Variants in GOLPH3 observed in about 807,000 individuals in gnomAD.
The protein encoded by GOLPH3 is coat protein GPP34.
In GOLPH3, 14 loss-of-function variants were observed where a neutral mutation model predicts 28.5. The observed-to-expected ratio is 0.49, with a 90% confidence interval of 0.32 to 0.77. GOLPH3 has a LOEUF of 0.77. GOLPH3 is among the 30% of genes least tolerant of loss of function. GOLPH3 has a pLI of 0.03. For missense variants in GOLPH3, 350 were observed against 393.7 expected (o/e 0.89, Z 0.94); for synonymous variants, 158 against 159.2 (o/e 0.99, Z 0.06).
chr5:32,162,737 C>A (rs1248862148), intron 1 of GOLPH3, among the ~76,000 whole-genome samples: 1 of 152,202 alleles, frequency 6.6e-6, no homozygotes, highest in Non-Finnish European at 1.5e-5. Flanking sequence ...CTCACATATG[C>A]CAACACATTG....
chr5:32,129,126 G>A (rs1230347026), intron 3 of GOLPH3, among the ~76,000 whole-genome samples: 5 of 152,150 alleles, frequency 3.3e-5, no homozygotes, highest in South Asian at 4.1e-4. Flanking sequence ...AGGTTGCAGT[G>A]AGCCGAGATT....
At chr5:32,164,201 C>G (rs1746654901) in intron 1 of GOLPH3, among the ~76,000 whole-genome samples, 1 of 152,210 alleles carries the variant, frequency 6.6e-6, no homozygotes, top group Admixed American at 6.5e-5. Context: ...TAAACCTCAA[C>G]TAAGCACAAG....
At chr5:32,156,786 G>A (rs1213717243) in intron 1 of GOLPH3, among the ~76,000 whole-genome samples, 2 of 152,154 alleles carry the variant, frequency 1.3e-5, no homozygotes, top group Non-Finnish European at 2.9e-5. Flanking sequence ...GACAGGAGGC[G>A]GAGCTCAGGC....
At chr5:32,128,266 A>G (rs1745728104) in intron 3 of GOLPH3, among the ~76,000 whole-genome samples, 1 of 152,212 alleles carries the variant, frequency 6.6e-6, no homozygotes. Context: ...AGCCTCACTA[A>G]AAACCAGGAC....
chr5:32,174,231 C>T lies in GOLPH3; in HGVS notation c.-197G>A, dbSNP rs1310392984. 1 of 374,690 alleles carries T rather than the reference C, an allele frequency of 2.7e-6. No homozygotes were observed. Among genetic ancestry groups the T allele is most frequent in the Non-Finnish European group, 4.7e-6 (1 of 212,150 alleles). The allele number at this position is 374,690 out of a possible 1,614,324, so 23.2% of individuals were successfully genotyped here. A position where few individuals can be genotyped will look rare whatever the true frequency, so the allele number is the denominator to read the frequency against. ...GCGGGCTGGCCGGGCGTCGGCGGGG[C>T]AGGAGAGGAGCGCCTTCCTGCCTGT... On this transcript the variant is annotated 5_prime_UTR_variant, in exon 1 of 4. Transcript: ENST00000265070.
intron 1 of GOLPH3, among the ~76,000 whole-genome samples, chr5:32,167,360 CAG>C (rs569720023): frequency 3.6e-4 from 54 of 152,032 alleles, no homozygotes; most frequent in Non-Finnish European, 6.9e-4. Context: ...TTAATAGAGA[CAG>C]GGGTTCACCA....
Position 32,126,563 on chromosome 5 carries a change from C to T in GOLPH3, c.546G>A (p.Val182=). ...TCTCTGTTGTCAATACACCCTTTTC[C>T]ACCAGGTTTTTAGCTAATCGTTCCC... ...NVRERLAKNL[V]EKGVLTTEKQ... Residue 182 remains valine, a synonymous_variant, in exon 4 of 4, where the codon GTG becomes GTA. Transcript: ENST00000265070. 1 of 1,614,094 alleles carries T rather than the reference C, an allele frequency of 6.2e-7. No homozygotes were observed. The highest frequency in any genetic ancestry group is 8.5e-7 in the Non-Finnish European group (1 of 1,180,002).
At chr5:32,156,547 T>C (rs1343169201) in intron 1 of GOLPH3, among the ~76,000 whole-genome samples, 6 of 151,944 alleles carry the variant, frequency 3.9e-5, no homozygotes, top group Non-Finnish European at 2.9e-5. Context: ...CTGTCTATTG[T>C]GGTAGTCCCA....
rs765981032 is a variant in GOLPH3, at chr5:32,126,445, G to T, written c.664C>A (p.Leu222Ile). Residue 222 changes from leucine (L) to isoleucine (I), a missense_variant, in exon 4 of 4, where the codon CTT becomes ATT. Physicochemically the swap from Leu to Ile is conservative, Grantham distance 5. Coordinates refer to ENST00000265070, the MANE Select transcript of GOLPH3 (RefSeq NM_022130.4). ...RLIKKVQEAV[L>I]DKWVNDPHRM... Reference sequence around the variant, plus strand: ...TGAGGGTCATTCACCCATTTGTCAAGAACGGCTTCCTGTACTTTCTTGATG... The same window carrying T: ...TGAGGGTCATTCACCCATTTGTCAATAACGGCTTCCTGTACTTTCTTGATG... 1.9e-6 allele frequency: 3 copies of T among 1,614,202 alleles called. No homozygotes were observed. In the South Asian group the frequency reaches 3.3e-5, roughly 18 times the overall value.
At position 32,162,911 on chromosome 5, in the gene GOLPH3, T is replaced by C. The variant is rs183737944; in HGVS notation, c.225+10899A>G. 4.1e-3 allele frequency among the ~76,000 whole-genome samples: 623 copies of C among 152,140 alleles called. 6 individuals carry two copies. The highest frequency in any genetic ancestry group is 0.014 in the African/African-American group (587 of 41,520). On this transcript the variant is annotated intron_variant, in intron 1 of 3. Coordinates refer to ENST00000265070, the MANE Select transcript of GOLPH3 (RefSeq NM_022130.4). The stretch of plus-strand genomic sequence containing the variant: ...GGCTAACACAGTGAAACCCCGTCTC[T>C]ACCAAAAATACAAAAAATTAGCCGG...
At chr5:32,147,868 T>G (rs559292112) in intron 1 of GOLPH3, among the ~76,000 whole-genome samples, 46 of 152,312 alleles carry the variant, frequency 3.0e-4, no homozygotes, top group African/African-American at 1.1e-3. Flanking sequence ...ACCTGGCGAT[T>G]CAAATCAACT....
At chr5:32,135,713 G>A in intron 2 of GOLPH3, 27 bp from the exon 3 acceptor site, 1 of 1,398,962 alleles carries the variant, frequency 7.1e-7, no homozygotes, top group Non-Finnish European at 1.0e-6. Flanking sequence ...AAGAATGAAA[G>A]GATCCACGAA....
intron 2 of GOLPH3, among the ~76,000 whole-genome samples, chr5:32,139,243 C>T (rs1025102754): frequency 6.6e-6 from 1 of 152,122 alleles, no homozygotes; most frequent in Admixed American, 6.5e-5. Context: ...ATTGTTTATA[C>T]AGCATTTACA....
At chr5:32,170,571 T>C (rs921806695) in intron 1 of GOLPH3, among the ~76,000 whole-genome samples, 2 of 152,144 alleles carry the variant, frequency 1.3e-5, no homozygotes, top group Non-Finnish European at 2.9e-5. Flanking sequence ...AAAAGAGTAC[T>C]ATAGGTTAAA....
In GOLPH3 at chr5:32,126,425, G is replaced by T. The variant is rs200860671; in HGVS notation, c.684C>A (p.Asp228Glu). 6 of 1,614,196 alleles carry T rather than the reference G, an allele frequency of 3.7e-6. No individual in the cohort carries two copies. Among genetic ancestry groups the T allele is most frequent in the Middle Eastern group, 3.3e-4 (2 of 6,060 alleles). ...GCAAGCGCCTGTCCATGCGGTGAGGGTCATTCACCCATTTGTCAAGAACGG... is the reference window on the plus strand; with the variant it reads ...GCAAGCGCCTGTCCATGCGGTGAGGTTCATTCACCCATTTGTCAAGAACGG... ...QEAVLDKWVNDPHRMDRRLLA... is the reference protein window; with the variant it reads ...QEAVLDKWVNEPHRMDRRLLA... The change falls in exon 4 of 4, where the codon GAC becomes GAA. Residue 228 changes from aspartate to glutamate, a missense_variant. Transcript: ENST00000265070.
Position 32,173,869 on chromosome 5 carries a change from TG to T in GOLPH3, c.165del (p.Lys56ArgfsTer5). 6.5e-7 allele frequency: 1 copy of T among 1,528,288 alleles called. No individual in the cohort carries two copies. 94.7% of individuals were successfully genotyped at this position (1,528,288 alleles called of 1,614,324 possible). ...DEQDDDDKGD[S>X]KETRLTLMEE... Reference sequence around the variant, plus strand: ...TCCATCAGGGTCAGCCGCGTTTCCTTGGAGTCGCCCTTGTCGTCGTCGTCCT... The same window carrying T: ...TCCATCAGGGTCAGCCGCGTTTCCTTGAGTCGCCCTTGTCGTCGTCGTCCT... On this transcript the variant is annotated frameshift_variant, in exon 1 of 4. Transcript: ENST00000265070. LOFTEE classifies it high-confidence loss of function.
chr5:32,134,845 A>G (rs1745898438), intron 3 of GOLPH3: 2 of 151,302 alleles, frequency 1.3e-5, no homozygotes, highest in South Asian at 4.1e-4. Context: ...AACCCCTAAA[A>G]AAACCTCTTT....
At chr5:32,138,319 T>G (rs1042127480) in intron 2 of GOLPH3, among the ~76,000 whole-genome samples, 3 of 152,224 alleles carry the variant, frequency 2.0e-5, no homozygotes, top group Non-Finnish European at 4.4e-5. Context: ...TCTATCTCTG[T>G]GACATCATGA....
chr5:32,157,869 T>C (rs1453654005), intron 1 of GOLPH3, among the ~76,000 whole-genome samples: 2 of 151,634 alleles, frequency 1.3e-5, no homozygotes, highest in East Asian at 3.9e-4. Flanking sequence ...CCCAGCTACT[T>C]GGGAGGCTAA....
Sources: gnomAD v4.1 joint callset for allele counts (sites outside exome capture counted in the v4.1 genomes callset) on GRCh38, gnomAD v4.1.1 for gene constraint, MANE v1.5 for transcripts, NCBI Gene and HGNC (gene_info 2026-07-23, HGNC 2026-07-21) for gene names.